GALNT17: variants seen among roughly 807,000 people sequenced by gnomAD.
GALNT17 encodes the protein polypeptide N-acetylgalactosaminyltransferase 17, also known as UDP-GalNAc:polypeptide N-acetylgalactosaminyltransferase-like 3.
A neutral mutation model predicts 63.7 loss-of-function variants in GALNT17; 29 were observed. The ratio of observed to expected loss-of-function variants is 0.46; its 90% CI spans 0.34 to 0.62. The LOEUF is 0.62. Among genes scored for constraint, GALNT17 ranks in the 20% least tolerant of loss-of-function variants. The pLI is 0.01. For synonymous variants in GALNT17, 305 were observed against 318.3 expected (o/e 0.96, Z 0.45); for missense variants, 603 against 799.6 (o/e 0.75, Z 2.97).
chr7:71,184,729 A>G (rs1788799236), intron 1 of GALNT17, among the ~76,000 whole-genome samples: 1 of 152,186 alleles, frequency 6.6e-6, no homozygotes, highest in South Asian at 2.1e-4. Context: ...CCCATGTTAC[A>G]TTAGCCCCTG....
intron 1 of GALNT17, among the ~76,000 whole-genome samples, chr7:71,227,622 C>T (rs75498852): frequency 6.6e-6 from 1 of 152,140 alleles, no homozygotes; most frequent in Non-Finnish European, 1.5e-5. Flanking sequence ...ATTTCGTTTG[C>T]TCTCACCATT....
chr7:71,424,042 T>A (rs1433008999), intron 5 of GALNT17, among the ~76,000 whole-genome samples: 2 of 152,192 alleles, frequency 1.3e-5, no homozygotes, highest in African/African-American at 4.8e-5. Flanking sequence ...GAAGGTAATC[T>A]TTTGGGTCTA....
At chr7:71,316,531 G>T (rs1662973610) in intron 1 of GALNT17, among the ~76,000 whole-genome samples, 1 of 152,160 alleles carries the variant, frequency 6.6e-6, no homozygotes, top group Admixed American at 6.5e-5. Context: ...AGCAGAGAAG[G>T]ATATAAACAA....
intron 1 of GALNT17, among the ~76,000 whole-genome samples, chr7:71,310,016 A>G (rs1428726246): frequency 6.6e-6 from 1 of 152,104 alleles, no homozygotes; most frequent in Non-Finnish European, 1.5e-5. Context: ...TGATGGTTTT[A>G]TAAGGGGGAG....
At chr7:71,706,738 A>G (rs1791726424) in intron 9 of GALNT17, among the ~76,000 whole-genome samples, 1 of 152,180 alleles carries the variant, frequency 6.6e-6, no homozygotes, top group Admixed American at 6.5e-5. Context: ...CCCTTGTTCA[A>G]GGAGACCAGC....
chr7:71,636,389 G>A (rs1162007772), intron 6 of GALNT17, among the ~76,000 whole-genome samples: 1 of 152,126 alleles, frequency 6.6e-6, no homozygotes, highest in Non-Finnish European at 1.5e-5. Flanking sequence ...GGCTCCCAAG[G>A]AAGGAGGATG....
chr7:71,511,298 A>T (rs191023383), intron 5 of GALNT17, among the ~76,000 whole-genome samples: 1 of 152,306 alleles, frequency 6.6e-6, no homozygotes, highest in East Asian at 1.9e-4. Context: ...AGGATCAGAT[A>T]GGAAACCAGG....
chr7:71,492,389 C>A (rs1788026618), intron 5 of GALNT17, among the ~76,000 whole-genome samples: 1 of 152,196 alleles, frequency 6.6e-6, no homozygotes, highest in East Asian at 1.9e-4. Flanking sequence ...TAGGTTCTCT[C>A]TTCACCCCTA....
Position 71,684,478 on chromosome 7 carries a change from T to C in GALNT17, c.1500+7172T>C, listed in dbSNP as rs528263488. Among the ~76,000 whole-genome samples, 11 of 152,240 alleles carry C rather than the reference T, an allele frequency of 7.2e-5. No individual in the cohort carries two copies. In the East Asian group the frequency reaches 9.7e-4, roughly 13 times the overall value. The stretch of plus-strand genomic sequence containing the variant: ...AGGGTTTGAACAGTGCGGCATACAA[T>C]GGACTCTGGCCCCATAGCCGCGTGT... On this transcript the variant is annotated intron_variant, in intron 9 of 10. Coordinates refer to ENST00000333538, the MANE Select transcript of GALNT17 (RefSeq NM_022479.3).
At chr7:71,596,903 A>AG (rs1789894626) in intron 6 of GALNT17, among the ~76,000 whole-genome samples, 1 of 151,990 alleles carries the variant, frequency 6.6e-6, no homozygotes, top group Admixed American at 6.6e-5. Context: ...AAAATGACAG[A>AG]GGGGCCAGGC....
chr7:71,597,328 C>T (rs868586884), intron 6 of GALNT17, among the ~76,000 whole-genome samples: 43 of 152,172 alleles, frequency 2.8e-4, no homozygotes, highest in Admixed American at 9.8e-4. Context: ...CGTGAGCCAC[C>T]GTGCCCGGCC....
chr7:71,449,769 C>T (rs920030756), intron 5 of GALNT17, among the ~76,000 whole-genome samples: 3 of 152,094 alleles, frequency 2.0e-5, no homozygotes, highest in South Asian at 2.1e-4. Context: ...TAACCGGGCG[C>T]GGTGGCTCAC....
intron 6 of GALNT17, among the ~76,000 whole-genome samples, chr7:71,632,441 G>T (rs560079154): frequency 5.3e-5 from 8 of 152,354 alleles, no homozygotes; most frequent in African/African-American, 1.9e-4. Context: ...GGAGAAGGCA[G>T]TAGGTGCTCT....
chr7:71,328,717 A>G (rs762864774), intron 1 of GALNT17, among the ~76,000 whole-genome samples: 20 of 151,140 alleles, frequency 1.3e-4, no homozygotes, highest in Admixed American at 2.6e-4. Context: ...AAATGGAAGC[A>G]CATGGACCAA....
chr7:71,208,490 G>T (rs10269157), intron 1 of GALNT17, among the ~76,000 whole-genome samples: 11,125 of 123,714 alleles, frequency 0.09, 647 homozygotes, highest in East Asian at 0.23. Flanking sequence ...TCTCTCTGTT[G>T]CCCAGGCTGG....
chr7:71,342,767 A>G (rs1025282756), intron 2 of GALNT17, among the ~76,000 whole-genome samples: 1 of 152,364 alleles, frequency 6.6e-6, no homozygotes, highest in Non-Finnish European at 1.5e-5. Context: ...GAAAATGTGT[A>G]TTACACATCA....
At chr7:71,530,333 AACACACACAC>A (rs144905630) in intron 5 of GALNT17, among the ~76,000 whole-genome samples, 1 of 151,552 alleles carries the variant, frequency 6.6e-6, no homozygotes, top group Non-Finnish European at 1.5e-5. Context: ...GCAACGCAAC[AACACACACAC>A]ACACGCACAC....
intron 1 of GALNT17, among the ~76,000 whole-genome samples, chr7:71,208,992 C>G (rs1344478724): frequency 6.6e-6 from 1 of 152,160 alleles, no homozygotes; most frequent in Non-Finnish European, 1.5e-5. Context: ...GTATTTTCAG[C>G]TCTGTGGGCC....
intron 5 of GALNT17, among the ~76,000 whole-genome samples, chr7:71,545,795 A>C (rs1486129588): frequency 6.6e-6 from 1 of 152,168 alleles, no homozygotes; most frequent in Admixed American, 6.5e-5. Context: ...TATAATATCT[A>C]TTAAGAGCTC....
Sources: allele counts gnomAD v4.1 joint callset (sites outside exome capture counted in the v4.1 genomes callset), GRCh38; gene constraint gnomAD v4.1.1; transcripts MANE v1.5; gene names NCBI Gene and HGNC (gene_info 2026-07-23, HGNC 2026-07-21).